CUX2: variants seen among roughly 807,000 people sequenced by gnomAD.
CUX2 encodes cut like homeobox 2.
In CUX2, 40 loss-of-function variants were observed where a neutral mutation model predicts 144.8. The observed-to-expected ratio is 0.28, with a 90% confidence interval of 0.21 to 0.36. The LOEUF (loss-of-function observed/expected upper bound fraction) is 0.36, where lower values mean the gene tolerates loss of function less well. Among genes scored for constraint, CUX2 ranks in the 10% least tolerant of loss-of-function variants. The pLI is 1.00. For missense variants in CUX2, 1,615 were observed against 1,994.0 expected (o/e 0.81, Z 3.62); for synonymous variants, 827 against 875.6 (o/e 0.94, Z 0.98).
intron 4 of CUX2, among the ~76,000 whole-genome samples, chr12:111,282,296 T>C (rs1258144359): frequency 7.1e-6 from 1 of 141,340 alleles, no homozygotes; most frequent in Non-Finnish European, 1.5e-5. Flanking sequence ...CACTCCAGCC[T>C]GGGCGACAGA....
chr12:111,091,557 C>G (rs1029407546), intron 1 of CUX2, among the ~76,000 whole-genome samples: 2 of 152,212 alleles, frequency 1.3e-5, no homozygotes, highest in Admixed American at 6.5e-5. Flanking sequence ...TTCCCAAAGC[C>G]CAGATAATTG....
chr12:111,095,021 TCTC>T (rs1354869581), intron 1 of CUX2, among the ~76,000 whole-genome samples: 1 of 152,126 alleles, frequency 6.6e-6, no homozygotes, highest in Non-Finnish European at 1.5e-5. Context: ...TCAGTGTCTG[TCTC>T]CTCCTATTTA....
intron 1 of CUX2, among the ~76,000 whole-genome samples, chr12:111,084,339 C>T (rs969421336): frequency 6.6e-6 from 1 of 152,294 alleles, no homozygotes; most frequent in South Asian, 2.1e-4. Context: ...GGAGGGACCC[C>T]AGATGTCCCC....
intron 1 of CUX2, among the ~76,000 whole-genome samples, chr12:111,206,295 G>A (rs571123894): frequency 6.6e-6 from 1 of 152,306 alleles, no homozygotes; most frequent in South Asian, 2.1e-4. Context: ...TTGTGCCACT[G>A]CACGCCAGGC....
Position 111,190,013 on chromosome 12 carries a change from C to A in CUX2, c.64-24187C>A, listed in dbSNP as rs1879783301. Among the ~76,000 whole-genome samples the A allele has an allele frequency of 6.6e-6, 1 of 152,106 alleles. No individual in the cohort carries two copies. Among genetic ancestry groups the A allele is most frequent in the African/African-American group, 2.4e-5 (1 of 41,406 alleles). On this transcript the variant is annotated intron_variant, in intron 1 of 21. Transcript: ENST00000261726. This position sits in a 1 kb window ranked among gnomAD's most constrained non-coding sequence, Gnocchi z 4.0. ...TGGTATTATCTGTCTTCCCTTGTAGCCATTCTGGTGGGTATGTAGCACTAT... is the reference window on the plus strand; with the variant it reads ...TGGTATTATCTGTCTTCCCTTGTAGACATTCTGGTGGGTATGTAGCACTAT...
chr12:111,110,074 G>A (rs947061043), intron 1 of CUX2, among the ~76,000 whole-genome samples: 1 of 150,440 alleles, frequency 6.6e-6, no homozygotes, highest in Non-Finnish European at 1.5e-5. Flanking sequence ...GTAGAGACGA[G>A]GTCTTGCTTT....
At chr12:111,117,303 G>A (rs1874366480) in intron 1 of CUX2, among the ~76,000 whole-genome samples, 1 of 152,162 alleles carries the variant, frequency 6.6e-6, no homozygotes, top group Admixed American at 6.5e-5. Context: ...ATCATATATG[G>A]GCAGTGGACT....
At chr12:111,163,060 A>AC (rs1877886178) in intron 1 of CUX2, among the ~76,000 whole-genome samples, 1 of 151,794 alleles carries the variant, frequency 6.6e-6, no homozygotes, top group African/African-American at 2.4e-5. Context: ...AAAAAAAAAA[A>AC]AAGGAATTTG....
intron 1 of CUX2, among the ~76,000 whole-genome samples, chr12:111,187,990 ATT>A (rs1259219371): frequency 2.6e-5 from 4 of 151,560 alleles, no homozygotes; most frequent in Admixed American, 6.6e-5. Context: ...GGCCTATCTC[ATT>A]TTCTTACGTC....
chr12:111,238,220 C>T (rs915617783), intron 3 of CUX2, among the ~76,000 whole-genome samples: 2 of 152,216 alleles, frequency 1.3e-5, no homozygotes, highest in African/African-American at 4.8e-5. Context: ...TGTTTGTTTG[C>T]CTAATTACTC....
chr12:111,118,170 C>T (rs1276547546), intron 1 of CUX2, among the ~76,000 whole-genome samples: 1 of 152,152 alleles, frequency 6.6e-6, no homozygotes, highest in Non-Finnish European at 1.5e-5. Flanking sequence ...ATTTGCAAGA[C>T]TTTTGCAAAC....
intron 3 of CUX2, among the ~76,000 whole-genome samples, chr12:111,257,649 C>CTTT (rs1883905167): frequency 8.1e-6 from 1 of 123,942 alleles, no homozygotes; most frequent in Non-Finnish European, 1.7e-5. Context: ...TCTTCCTCCT[C>CTTT]CTTCCTCCTC....
At chr12:111,163,302 A>G (rs1877904191) in intron 1 of CUX2, among the ~76,000 whole-genome samples, 1 of 152,272 alleles carries the variant, frequency 6.6e-6, no homozygotes, top group Non-Finnish European at 1.5e-5. Context: ...AAATGGCCAG[A>G]CAGTAAATAT....
chr12:111,207,094 G>A (rs1880961614), intron 1 of CUX2, among the ~76,000 whole-genome samples: 1 of 152,144 alleles, frequency 6.6e-6, no homozygotes, highest in African/African-American at 2.4e-5. Flanking sequence ...TTGGATAAAG[G>A]GCTTCCAGCC....
rs1238001919 is a variant in CUX2, at chr12:111,304,727, T to C, written c.858+413T>C. ...GAGGCAATACAGCAGCATGCAGTTT[T>C]GGTGGCTGCCACCAGGTGTCGCTGT... is the stretch of plus-strand genomic sequence containing the variant. On this transcript the variant is annotated intron_variant, in intron 10 of 21. Transcript: ENST00000261726. This position sits in a 1 kb window ranked among gnomAD's most constrained non-coding sequence, Gnocchi z 4.7. Among the ~76,000 whole-genome samples, 1 of 152,178 alleles carries C rather than the reference T, an allele frequency of 6.6e-6. No individual in the cohort carries two copies. The highest frequency in any genetic ancestry group is 2.4e-5 in the African/African-American group (1 of 41,438).
chr12:111,051,812 T>C (rs79232023), intron 1 of CUX2, among the ~76,000 whole-genome samples: 6,010 of 152,244 alleles, frequency 0.039, 412 homozygotes, highest in African/African-American at 0.14. Flanking sequence ...ATTTCTCTTT[T>C]ACTACTTTCT....
Position 111,171,895 on chromosome 12 carries a change from A to G in CUX2, c.64-42305A>G, listed in dbSNP as rs1013763019. On this transcript the variant is annotated intron_variant, in intron 1 of 21. Transcript: ENST00000261726. This position sits in a 1 kb window ranked among gnomAD's most constrained non-coding sequence, Gnocchi z 5.0. ...ATAAATAACCCATTTCCCAATGGGC[A>G]GGCAGCATATGCACTCTCTGTGTGT... 6.6e-6 allele frequency among the ~76,000 whole-genome samples: 1 copy of G among 152,286 alleles called. No individual in the cohort carries two copies. The highest frequency in any genetic ancestry group is 2.1e-4 in the South Asian group (1 of 4,830).
chr12:111,176,010 G>A (rs1878832552), intron 1 of CUX2, among the ~76,000 whole-genome samples: 2 of 150,682 alleles, frequency 1.3e-5, no homozygotes, highest in African/African-American at 4.9e-5. Context: ...GAACTGATGG[G>A]GTTTGAGGAG....
At chr12:111,284,651 C>T (rs1376450137) in intron 4 of CUX2, among the ~76,000 whole-genome samples, 3 of 152,186 alleles carry the variant, frequency 2.0e-5, no homozygotes, top group African/African-American at 7.2e-5. Flanking sequence ...TTACTTAAGA[C>T]CGCACAATGA....
Sources: allele counts gnomAD v4.1 joint callset (sites outside exome capture counted in the v4.1 genomes callset), GRCh38; gene constraint gnomAD v4.1.1; non-coding constraint Gnocchi (gnomAD v3.1); transcripts MANE v1.5; gene names NCBI Gene and HGNC (gene_info 2026-07-23, HGNC 2026-07-21).